The following INSYN2B variants were observed in gnomAD, a reference collection of about 807,000 sequenced individuals.
The protein encoded by INSYN2B is protein INSYN2B.
A neutral mutation model predicts 41.2 loss-of-function variants in INSYN2B; 16 were observed. The observed-to-expected ratio is 0.39, with a 90% CI of 0.26 to 0.59. INSYN2B has a LOEUF of 0.59. Among genes scored for constraint, INSYN2B ranks in the 20% least tolerant of loss-of-function variants. The pLI is 0.57. For missense variants in INSYN2B, 608 were observed against 646.4 expected, an observed-to-expected ratio of 0.94 and a Z score of 0.64; for synonymous variants, 245 against 244.4, an observed-to-expected ratio of 1.00 and a Z score of -0.02.
chr5:169,965,303 T>G (rs911934547), intron 1 of INSYN2B, among the ~76,000 whole-genome samples: 4 of 152,246 alleles, frequency 2.6e-5, no homozygotes, highest in African/African-American at 7.2e-5. Flanking sequence ...CAGTTCTTCA[T>G]TTCTAAGAAG....
At chr5:169,919,582 G>A (rs1455504347) in intron 1 of INSYN2B, among the ~76,000 whole-genome samples, 9 of 152,172 alleles carry the variant, frequency 5.9e-5, no homozygotes, top group Non-Finnish European at 1.0e-4. Flanking sequence ...GATCATTAAT[G>A]GTTTGAAGAA....
intron 1 of INSYN2B, among the ~76,000 whole-genome samples, chr5:169,900,322 C>T (rs1420678956): frequency 4.6e-5 from 7 of 152,152 alleles, no homozygotes; most frequent in Non-Finnish European, 1.0e-4. Context: ...TCTATGATGA[C>T]TAGGAGTTCA....
At position 169,883,291 on chromosome 5, in the gene INSYN2B, T is replaced by C. The variant is rs1772775265; in HGVS notation, c.608A>G (p.Gln203Arg). The change falls in exon 2 of 4, where the codon CAG becomes CGG. Residue 203 changes from glutamine (Q) to arginine (R), a missense_variant. Transcript: ENST00000377365. ...RSLEKATAAI[Q>R]VPDDIYHSPS... Reference sequence around the variant, plus strand: ...ACTGTGATAAATATCATCTGGAACCTGAATGGCAGCTGTGGCTTTCTCTAA... The same window carrying C: ...ACTGTGATAAATATCATCTGGAACCCGAATGGCAGCTGTGGCTTTCTCTAA... The C allele has an allele frequency of 1.3e-6, 2 of 1,551,632 alleles. No homozygotes were observed. Among genetic ancestry groups the C allele is most frequent in the Non-Finnish European group, 1.7e-6 (2 of 1,146,914 alleles).
At chr5:169,866,436 G>A (rs542166060) in intron 3 of INSYN2B, among the ~76,000 whole-genome samples, 8 of 152,318 alleles carry the variant, frequency 5.3e-5, no homozygotes, top group East Asian at 3.9e-4. Flanking sequence ...TAGTGCCTAC[G>A]CAAAGGACCT....
At position 169,862,088 on chromosome 5, in the gene INSYN2B, T is replaced by G. The variant is rs1771239824; in HGVS notation, c.*2185A>C. 6.6e-6 allele frequency among the ~76,000 whole-genome samples: 1 copy of G among 152,228 alleles called. No individual in the cohort carries two copies. On this transcript the variant is annotated 3_prime_UTR_variant, in exon 4 of 4. Transcript: ENST00000377365. ...AATTTTGTGTGAGGTACCTCAAACA[T>G]CTCTTTATCTTCCCAGGCTAACTTT...
Position 169,876,762 on chromosome 5 carries a change from A to G in INSYN2B, c.1421+4606T>C, listed in dbSNP as rs765748816. Among the ~76,000 whole-genome samples the G allele has an allele frequency of 2.0e-5, 3 of 152,146 alleles. No homozygotes were observed. The South Asian group carries it at 6.2e-4, about 32-fold the overall frequency. Reference sequence around the variant, plus strand: ...TATTTGCTTAATCCTTCATTTCCTCACCCAGGAGTGGTGGTGTACACTAAT... The same window carrying G: ...TATTTGCTTAATCCTTCATTTCCTCGCCCAGGAGTGGTGGTGTACACTAAT... On this transcript the variant is annotated intron_variant, in intron 3 of 3. Coordinates refer to ENST00000377365, the MANE Select transcript of INSYN2B (RefSeq NM_001129891.3).
chr5:169,915,892 A>T lies in INSYN2B; in HGVS notation c.-918-31076T>A, dbSNP rs543156473. On this transcript the variant is annotated intron_variant, in intron 1 of 3. Transcript: ENST00000377365. Reference sequence around the variant, plus strand: ...CCCATAGCAAATCTGATTAAATGGTATACATTGGTTTAGAAAAACAATGTA... The same window carrying T: ...CCCATAGCAAATCTGATTAAATGGTTTACATTGGTTTAGAAAAACAATGTA... 2.6e-5 allele frequency among the ~76,000 whole-genome samples: 4 copies of T among 152,348 alleles called. No homozygotes were observed. In the East Asian group the frequency reaches 7.7e-4, roughly 29 times the overall value.
chr5:169,939,684 G>A (rs13174771), intron 1 of INSYN2B, among the ~76,000 whole-genome samples: 35,074 of 152,064 alleles, frequency 0.23, 4,257 homozygotes, highest in Non-Finnish European at 0.26. Flanking sequence ...GCTCCATTCC[G>A]TCATTGACTG....
intron 1 of INSYN2B, among the ~76,000 whole-genome samples, chr5:169,965,891 T>C (rs1022943224): frequency 5.9e-5 from 9 of 152,198 alleles, no homozygotes; most frequent in Non-Finnish European, 1.2e-4. Flanking sequence ...ACCTTTGACG[T>C]GGTTCCTGTG....
chr5:169,880,952 G>A (rs1772606762), intron 3 of INSYN2B, among the ~76,000 whole-genome samples: 1 of 152,208 alleles, frequency 6.6e-6, no homozygotes, highest in South Asian at 2.1e-4. Context: ...AGCTACTGTT[G>A]AGGAAGAGGC....
chr5:169,870,594 G>T (rs1031800636), intron 3 of INSYN2B, among the ~76,000 whole-genome samples: 12 of 151,600 alleles, frequency 7.9e-5, no homozygotes, highest in Admixed American at 2.6e-4. Context: ...TTAATTTTTT[G>T]ATTTTTTAAA....
intron 1 of INSYN2B, among the ~76,000 whole-genome samples, chr5:169,925,078 A>ATTTCTCTATTTCTCTATTTCTCTAT (rs1775362760): frequency 2.0e-5 from 3 of 152,038 alleles, no homozygotes; most frequent in Admixed American, 1.3e-4. Flanking sequence ...TTTCTCTATT[A>ATTTCTCTATTTCTCTATTTCTCTAT]TTCTTTTTCT....
chr5:169,978,778 A>G (rs1322857563), intron 1 of INSYN2B, among the ~76,000 whole-genome samples: 2 of 152,062 alleles, frequency 1.3e-5, no homozygotes, highest in Non-Finnish European at 2.9e-5. Context: ...AAGCCCTGCC[A>G]CTCAAGGTGT....
At chr5:169,962,555 A>T (rs1469270034) in intron 1 of INSYN2B, among the ~76,000 whole-genome samples, 1 of 152,160 alleles carries the variant, frequency 6.6e-6, no homozygotes, top group African/African-American at 2.4e-5. Flanking sequence ...AGTTGTGTCT[A>T]TCACTAGATC....
intron 1 of INSYN2B, among the ~76,000 whole-genome samples, chr5:169,956,418 C>T (rs1170526895): frequency 3.9e-5 from 6 of 152,132 alleles, no homozygotes; most frequent in Non-Finnish European, 8.8e-5. Flanking sequence ...GTCCCTCTCT[C>T]GTGGGTTGTA....
At chr5:169,901,506 G>T (rs529798235) in intron 1 of INSYN2B, among the ~76,000 whole-genome samples, 4 of 152,228 alleles carry the variant, frequency 2.6e-5, no homozygotes, top group Admixed American at 6.5e-5. Context: ...GATTTTTCTG[G>T]TTTTTCTGAG....
At chr5:169,867,772 C>G (rs261024) in intron 3 of INSYN2B, among the ~76,000 whole-genome samples, 31,239 of 152,052 alleles carry the variant, frequency 0.21, 4,814 homozygotes, top group African/African-American at 0.44. Flanking sequence ...TGGTACTGCA[C>G]CCCTATTTGT....
chr5:169,926,292 T>A (rs1021931008), intron 1 of INSYN2B, among the ~76,000 whole-genome samples: 12 of 152,222 alleles, frequency 7.9e-5, no homozygotes, highest in African/African-American at 2.4e-4. Context: ...ACTTGCTGTT[T>A]GGGAAATATT....
rs563414898 is a variant in INSYN2B, at chr5:169,905,783, G to T, written c.-918-20967C>A. Among the ~76,000 whole-genome samples, 175 of 152,296 alleles carry T rather than the reference G, an allele frequency of 1.1e-3. 1 individual carries two copies. In the Middle Eastern group the frequency reaches 0.014, roughly 12 times the overall value. On this transcript the variant is annotated intron_variant, in intron 1 of 3. Transcript: ENST00000377365. ...TGCAGGGCTCACCACAGCTGCGATT[G>T]GTCCTCTGTCCTTTTTGGACTTGAA... is the stretch of plus-strand genomic sequence containing the variant.
Sources: allele counts gnomAD v4.1 joint callset (sites outside exome capture counted in the v4.1 genomes callset), GRCh38; gene constraint gnomAD v4.1.1; transcripts MANE v1.5; gene names NCBI Gene and HGNC (gene_info 2026-07-23, HGNC 2026-07-21).